Variants in SIPA1L3 observed in about 807,000 individuals in gnomAD.
SIPA1L3 encodes signal induced proliferation associated 1 like 3.
Under a neutral mutation model 150.1 loss-of-function variants are expected in SIPA1L3, and 59 were observed. The observed-to-expected ratio is 0.39, with a 90% CI of 0.32 to 0.49. SIPA1L3 has a LOEUF of 0.49. Ranked by LOEUF, SIPA1L3 falls within the 20% of genes least tolerant of loss-of-function variation. SIPA1L3 has a pLI of 0.86. For synonymous variants in SIPA1L3, 1,070 were observed against 1,077.6 expected (o/e 0.99, Z 0.14); for missense variants, 2,211 against 2,489.5 (o/e 0.89, Z 2.38).
intron 21 of SIPA1L3, 110 bp downstream of exon 21, chr19:38,204,318 A>C: frequency 1.3e-6 from 1 of 766,976 alleles, no homozygotes; most frequent in Non-Finnish European, 2.1e-6. Flanking sequence ...CCACCCCCAC[A>C]CCTCCTGTGT....
chr19:38,163,758 G>C (rs1972145177), intron 14 of SIPA1L3, among the ~76,000 whole-genome samples: 1 of 152,164 alleles, frequency 6.6e-6, no homozygotes, highest in Admixed American at 6.5e-5. Flanking sequence ...CGGGAGGGAG[G>C]GGAGATGAAG....
At chr19:38,129,322 T>A (rs1280102113) in intron 9 of SIPA1L3, among the ~76,000 whole-genome samples, 3 of 152,006 alleles carry the variant, frequency 2.0e-5, no homozygotes, top group Non-Finnish European at 4.4e-5. Flanking sequence ...AAGGGTTTCT[T>A]CCTCCAAGAA....
chr19:37,940,345 C>A (rs2046643013), intron 1 of SIPA1L3, among the ~76,000 whole-genome samples: 1 of 151,896 alleles, frequency 6.6e-6, no homozygotes. Flanking sequence ...AACTCATGAC[C>A]ACTCTGTTTT....
At chr19:38,112,902 A>C (rs1970797812) in intron 8 of SIPA1L3, among the ~76,000 whole-genome samples, 1 of 152,018 alleles carries the variant, frequency 6.6e-6, no homozygotes, top group Non-Finnish European at 1.5e-5. Context: ...TGAATTTCTA[A>C]TTGTCCTTCA....
At chr19:38,110,489 C>T (rs919854394) in intron 8 of SIPA1L3, 105 bp downstream of exon 8, 1 of 920,468 alleles carries the variant, frequency 1.1e-6, no homozygotes, top group African/African-American at 1.6e-5. Context: ...CGTTGTGCTT[C>T]AGGAGAAGAG....
At position 38,182,516 on chromosome 19, in the gene SIPA1L3, C is replaced by T. The variant is rs201430771; in HGVS notation, c.4209-3C>T. On this transcript the variant is annotated splice_polypyrimidine_tract_variant and splice_region_variant and intron_variant, in intron 15 of 21. Coordinates refer to ENST00000222345, the MANE Select transcript of SIPA1L3 (RefSeq NM_015073.3). ...TTTTATCTCTTTCATTTTTGCTTTG[C>T]AGTGACATGGGCTCGAGGGTTGGCT... is the stretch of plus-strand genomic sequence containing the variant. 106 of 1,588,310 alleles carry T rather than the reference C, an allele frequency of 6.7e-5. 2 individuals carry two copies. The highest frequency in any genetic ancestry group is 6.1e-4 in the African/African-American group (45 of 73,962).
intron 12 of SIPA1L3, among the ~76,000 whole-genome samples, chr19:38,143,571 ACT>A (rs903038520): frequency 2.6e-5 from 2 of 78,002 alleles, no homozygotes; most frequent in African/African-American, 1.1e-4. Context: ...TTTTGAGACC[ACT>A]CTGTCGCCAG....
intron 1 of SIPA1L3, among the ~76,000 whole-genome samples, chr19:38,001,404 C>G (rs943645315): frequency 4.6e-5 from 7 of 152,042 alleles, no homozygotes; most frequent in Admixed American, 4.6e-4. Flanking sequence ...TCTGATCTTG[C>G]AAAAGAACCA....
chr19:38,027,223 G>C (rs999520513), intron 1 of SIPA1L3, among the ~76,000 whole-genome samples: 16 of 152,182 alleles, frequency 1.1e-4, no homozygotes, highest in African/African-American at 3.9e-4. Flanking sequence ...GGGAGGCAGA[G>C]GTTGCAGTGA....
intron 1 of SIPA1L3, among the ~76,000 whole-genome samples, chr19:38,018,441 C>T (rs745805334): frequency 1.4e-4 from 22 of 152,124 alleles, no homozygotes; most frequent in Non-Finnish European, 2.9e-5. Flanking sequence ...CGTGAGCCAC[C>T]ACACCCAGCC....
intron 9 of SIPA1L3, among the ~76,000 whole-genome samples, chr19:38,129,229 G>A (rs781556429): frequency 1.1e-4 from 17 of 152,192 alleles, no homozygotes; most frequent in Non-Finnish European, 2.5e-4. Context: ...ATCTCACCCA[G>A]TGAAGCAGGG....
At chr19:38,043,254 C>T (rs949421294) in intron 2 of SIPA1L3, among the ~76,000 whole-genome samples, 11 of 152,152 alleles carry the variant, frequency 7.2e-5, no homozygotes, top group Admixed American at 3.9e-4. Flanking sequence ...GCAGGAGAAT[C>T]GCTTGAACCT....
In SIPA1L3 at chr19:38,141,250, T is replaced by G; in HGVS notation, c.3210T>G (p.Pro1070=). The G allele has an allele frequency of 1.2e-6, 2 of 1,613,334 alleles. No individual in the cohort carries two copies. The highest frequency in any genetic ancestry group is 1.7e-6 in the Non-Finnish European group (2 of 1,179,746). ...AGACGGAGCAGGAAAGCATCACTCCTGGGGGCCGGCCCCCCTACCGCAGCA... is the reference window on the plus strand; with the variant it reads ...AGACGGAGCAGGAAAGCATCACTCCGGGGGGCCGGCCCCCCTACCGCAGCA... The part of the protein sequence containing the change: ...EPKTEQESIT[P]GGRPPYRSNA... The change falls in exon 11 of 22, where the codon CCT becomes CCG. Residue 1070 remains proline (P), a synonymous_variant. Coordinates refer to ENST00000222345, the MANE Select transcript of SIPA1L3 (RefSeq NM_015073.3).
intron 1 of SIPA1L3, among the ~76,000 whole-genome samples, chr19:37,909,607 CAGCAGT>C (rs993493062): frequency 1.3e-5 from 2 of 152,200 alleles, no homozygotes; most frequent in Admixed American, 1.3e-4. Flanking sequence ...CTTGGCTAGA[CAGCAGT>C]GGCTGTGGAT....
At chr19:38,123,796 G>A (rs1317935968) in intron 9 of SIPA1L3, among the ~76,000 whole-genome samples, 2 of 151,330 alleles carry the variant, frequency 1.3e-5, no homozygotes, top group African/African-American at 4.9e-5. Flanking sequence ...TCCCAGACGG[G>A]GTGGCGGCCG....
chr19:38,123,876 G>A (rs1258607848), intron 9 of SIPA1L3, among the ~76,000 whole-genome samples: 2 of 109,944 alleles, frequency 1.8e-5, no homozygotes, highest in Middle Eastern at 4.0e-3. Flanking sequence ...CGGACAGGGC[G>A]GCTGGCCGGG....
intron 2 of SIPA1L3, among the ~76,000 whole-genome samples, chr19:38,054,393 C>T (rs7256480): frequency 6.6e-6 from 1 of 151,710 alleles, no homozygotes; most frequent in Admixed American, 6.6e-5. Context: ...GATCACTTGA[C>T]GTCAGAAGTT....
At chr19:38,005,908 C>T (rs1391890269) in intron 1 of SIPA1L3, among the ~76,000 whole-genome samples, 1 of 152,182 alleles carries the variant, frequency 6.6e-6, no homozygotes, top group African/African-American at 2.4e-5. Context: ...ATTAGCTGGG[C>T]ATTTTAGTGT....
intron 1 of SIPA1L3, among the ~76,000 whole-genome samples, chr19:38,020,763 C>T (rs963224272): frequency 3.9e-5 from 6 of 152,154 alleles, no homozygotes; most frequent in African/African-American, 1.4e-4. Context: ...CAGCCATGCT[C>T]AGTGGAAATC....
Sources: gnomAD v4.1 joint callset for allele counts (sites outside exome capture counted in the v4.1 genomes callset) on GRCh38, gnomAD v4.1.1 for gene constraint, MANE v1.5 for transcripts, NCBI Gene and HGNC (gene_info 2026-07-23, HGNC 2026-07-21) for gene names.